DCLK2: variants seen among roughly 807,000 people sequenced by gnomAD.
DCLK2 encodes the protein doublecortin like kinase 2.
A neutral mutation model predicts 78.4 loss-of-function variants in DCLK2; 31 were observed. That is an observed-to-expected ratio of 0.40 (90% CI 0.30 to 0.53). The LOEUF is 0.53. DCLK2 is among the 20% of genes least tolerant of loss of function. The pLI, the probability that DCLK2 is intolerant of heterozygous loss-of-function variation, is 0.61. For missense variants in DCLK2, 872 were observed against 973.7 expected, an observed-to-expected ratio of 0.90 and a Z score of 1.39; for synonymous variants, 407 against 374.9, an observed-to-expected ratio of 1.09 and a Z score of -0.99.
intron 10 of DCLK2, among the ~76,000 whole-genome samples, chr4:150,234,040 A>G (rs902069255): frequency 5.3e-5 from 8 of 152,102 alleles, no homozygotes; most frequent in Non-Finnish European, 2.9e-5. Flanking sequence ...TGAGTCTTCT[A>G]CATCATGTTA....
chr4:150,255,309 G>T (rs1486569537), intron 15 of DCLK2, among the ~76,000 whole-genome samples: 1 of 152,218 alleles, frequency 6.6e-6, no homozygotes, highest in African/African-American at 2.4e-5. Context: ...TGGACAAGCA[G>T]GAAATAGAGA....
At chr4:150,088,930 G>A (rs1376668473) in intron 1 of DCLK2, among the ~76,000 whole-genome samples, 1 of 152,182 alleles carries the variant, frequency 6.6e-6, no homozygotes, top group Non-Finnish European at 1.5e-5. Context: ...TGCACCAATG[G>A]CAGGTTCTCC....
Position 150,256,675 on chromosome 4 carries a change from T to TTCTC in DCLK2, c.*442_*445dup. 1 of 156,486 alleles carries TTCTC rather than the reference T, an allele frequency of 6.4e-6. No homozygotes were observed. Among genetic ancestry groups the TTCTC allele is most frequent in the African/African-American group, 2.4e-5 (1 of 41,576 alleles). The allele number at this position is 156,486 out of a possible 1,614,324, so 9.7% of individuals were successfully genotyped here. ...CTCAGAACACTCCCTTTCTTTTCTT[T>TTCTC]TCTCTCTCTCTCTCTCTTTTTTTTT... On this transcript the variant is annotated 3_prime_UTR_variant, in exon 16 of 16. Coordinates refer to ENST00000296550, the MANE Select transcript of DCLK2 (RefSeq NM_001040260.4).
In DCLK2 at chr4:150,253,572, C is replaced by G. The variant is rs958595075; in HGVS notation, c.2074-2448C>G. 140 of 1,289,434 alleles carry G rather than the reference C, an allele frequency of 1.1e-4. 1 individual carries two copies. The highest frequency in any genetic ancestry group is 4.0e-5 in the Non-Finnish European group (40 of 988,800). The allele number at this position is 1,289,434 out of a possible 1,614,324, so 79.9% of individuals were successfully genotyped here. ...CAGAATCCTGGTATTCACCACGCTG[C>G]GTCCGACCAGCGCGCCCCATCCTCA... On this transcript the variant is annotated intron_variant, in intron 15 of 15. Transcript: ENST00000296550.
chr4:150,181,011 T>G (rs1580663454), intron 2 of DCLK2, among the ~76,000 whole-genome samples: 1 of 152,186 alleles, frequency 6.6e-6, no homozygotes. Flanking sequence ...CAGGCATTGC[T>G]GAGTTTCTCT....
chr4:150,204,673 C>T (rs542717092), intron 5 of DCLK2, among the ~76,000 whole-genome samples: 1 of 152,228 alleles, frequency 6.6e-6, no homozygotes, highest in South Asian at 2.1e-4. Context: ...AAGTGGATCA[C>T]TTGAGGTCAG....
intron 2 of DCLK2, among the ~76,000 whole-genome samples, chr4:150,106,833 A>G (rs1731291437): frequency 6.6e-6 from 1 of 152,226 alleles, no homozygotes; most frequent in Non-Finnish European, 1.5e-5. Flanking sequence ...TGCCACTAGC[A>G]ATGACTCCAT....
At chr4:150,253,612 T>C in intron 15 of DCLK2, 2 of 1,283,676 alleles carry the variant, frequency 1.6e-6, no homozygotes, top group African/African-American at 3.0e-5. Context: ...CTCTCACGCC[T>C]GCATGCTTGT....
chr4:150,212,026 C>T (rs1740356173), intron 5 of DCLK2, among the ~76,000 whole-genome samples: 1 of 152,108 alleles, frequency 6.6e-6, no homozygotes, highest in African/African-American at 2.4e-5. Context: ...CAGTTTAAGA[C>T]TTTTAAGGCA....
chr4:150,169,429 C>T (rs532177747), intron 2 of DCLK2, among the ~76,000 whole-genome samples: 5 of 152,244 alleles, frequency 3.3e-5, no homozygotes, highest in East Asian at 3.9e-4. Context: ...GAAGCTGAGG[C>T]GGTTGGATCA....
At chr4:150,121,266 T>G (rs1209092465) in intron 2 of DCLK2, among the ~76,000 whole-genome samples, 1 of 83,938 alleles carries the variant, frequency 1.2e-5, no homozygotes, top group African/African-American at 5.9e-5. Context: ...ACAGTAGAAC[T>G]TCTTTCAAAA....
intron 15 of DCLK2, chr4:150,254,287 T>C: frequency 2.5e-6 from 1 of 397,068 alleles, no homozygotes. Flanking sequence ...GGGGAAGGAT[T>C]TGGGTTTATT....
chr4:150,139,434 C>A (rs1042656952), intron 2 of DCLK2, among the ~76,000 whole-genome samples: 1 of 152,150 alleles, frequency 6.6e-6, no homozygotes, highest in Non-Finnish European at 1.5e-5. Context: ...TGAAGTGATA[C>A]CTTTAACTTG....
At position 150,102,624 on chromosome 4, in the gene DCLK2, A is replaced by G; in HGVS notation, c.568A>G (p.Ser190Gly). 3 of 1,614,194 alleles carry G rather than the reference A, an allele frequency of 1.9e-6. No homozygotes were observed. The highest frequency in any genetic ancestry group is 2.5e-6 in the Non-Finnish European group (3 of 1,180,028). ...CTCTGTGAAAAGTGAAGTAAAAGAA[A>G]GTAAAGATTTCATCAAACCCAAGTT... The part of the protein sequence containing the change: ...ASSVKSEVKE[S>G]KDFIKPKLVT... Residue 190 changes from serine (S) to glycine (G), a missense_variant, in exon 2 of 16, where the codon AGT becomes GGT. This residue lies in a region of DCLK2 where 567 missense variants were observed against 593.4 expected (regional missense o/e 0.96). Transcript: ENST00000296550.
chr4:150,108,762 A>G (rs76334024), intron 2 of DCLK2, among the ~76,000 whole-genome samples: 4,151 of 152,236 alleles, frequency 0.027, 152 homozygotes, highest in African/African-American at 0.091. Context: ...GTAAAAAAAA[A>G]TTCTAGCTTT....
chr4:150,122,082 G>A (rs886749531), intron 2 of DCLK2, among the ~76,000 whole-genome samples: 1 of 152,198 alleles, frequency 6.6e-6, no homozygotes, highest in Non-Finnish European at 1.5e-5. Flanking sequence ...TTGGGGAATG[G>A]TAAATGAGCA....
At chr4:150,127,801 C>A (rs1229903202) in intron 2 of DCLK2, among the ~76,000 whole-genome samples, 5 of 152,210 alleles carry the variant, frequency 3.3e-5, no homozygotes, top group Admixed American at 6.5e-5. Context: ...CCCCTAGATA[C>A]TAGGATATGT....
chr4:150,249,606 G>T lies in DCLK2; in HGVS notation c.1995G>T (p.Val665=). 6.2e-7 allele frequency: 1 copy of T among 1,613,764 alleles called. No individual in the cohort carries two copies. Among genetic ancestry groups the T allele is most frequent in the South Asian group, 1.1e-5 (1 of 91,058 alleles). ...ASQENNMQAE[V]TGKLKQHFNN... ...AGGAGAATAACATGCAAGCTGAGGT[G>T]ACAGGTAAACTAAAACAGCACTTTA... Residue 665 remains valine (V), a synonymous_variant, in exon 15 of 16, where the codon GTG becomes GTT. Coordinates refer to ENST00000296550, the MANE Select transcript of DCLK2 (RefSeq NM_001040260.4).
At chr4:150,242,181 G>T (rs1230067826) in intron 12 of DCLK2, among the ~76,000 whole-genome samples, 1 of 152,110 alleles carries the variant, frequency 6.6e-6, no homozygotes, top group Non-Finnish European at 1.5e-5. Flanking sequence ...CTCTACTTTT[G>T]AAAGCCTTAT....
Sources: gnomAD v4.1 joint callset for allele counts (sites outside exome capture counted in the v4.1 genomes callset) on GRCh38, gnomAD v4.1.1 for gene constraint, gnomAD v4.1.1 regional missense constraint, MANE v1.5 for transcripts, NCBI Gene and HGNC (gene_info 2026-07-23, HGNC 2026-07-21) for gene names.